GSK3B: variants seen among roughly 807,000 people sequenced by gnomAD.
GSK3B encodes the protein glycogen synthase kinase-3 beta.
Under a neutral mutation model 56.4 loss-of-function variants are expected in GSK3B, and 15 were observed. The observed-to-expected ratio is 0.27, with a 90% confidence interval of 0.18 to 0.41. The LOEUF is 0.41. GSK3B is among the 10% of genes least tolerant of loss of function. The probability of loss-of-function intolerance (pLI) is 1.00; values close to 1 mark genes in which losing one functional copy is unlikely to be tolerated. For synonymous variants in GSK3B, 181 were observed against 188.9 expected, an observed-to-expected ratio of 0.96 and a Z score of 0.34; for missense variants, 300 against 513.4, an observed-to-expected ratio of 0.58 and a Z score of 4.02.
At position 119,825,612 on chromosome 3, in the gene GSK3B, G is replaced by A. The variant is rs772531912; in HGVS notation, c.*1176C>T. ...GTAGTTTTTAATATTTCTACCATCTGACATGCATCAATAAATAAATGTAAA... is the reference window on the plus strand; with the variant it reads ...GTAGTTTTTAATATTTCTACCATCTAACATGCATCAATAAATAAATGTAAA... On this transcript the variant is annotated 3_prime_UTR_variant, in exon 11 of 11. Coordinates refer to ENST00000264235, the MANE Select transcript of GSK3B (RefSeq NM_001146156.2). The A allele has an allele frequency of 8.7e-6, 2 of 228,648 alleles. No individual in the cohort carries two copies. Among genetic ancestry groups the A allele is most frequent in the Non-Finnish European group, 1.7e-5 (2 of 115,450 alleles). 14.2% of individuals were successfully genotyped at this position (228,648 alleles called of 1,614,324 possible). A position where few individuals can be genotyped will look rare whatever the true frequency, so the allele number is the denominator to read the frequency against.
chr3:120,039,758 A>T (rs934434500), intron 1 of GSK3B, among the ~76,000 whole-genome samples: 1 of 151,906 alleles, frequency 6.6e-6, no homozygotes, highest in Non-Finnish European at 1.5e-5. Flanking sequence ...AGAGATAAAA[A>T]CCCCTTCTCT....
At position 120,040,267 on chromosome 3, in the gene GSK3B, T is replaced by TC. The variant is rs776964695; in HGVS notation, c.89-38029dup. Among the ~76,000 whole-genome samples the TC allele has an allele frequency of 2.3e-4, 35 of 152,328 alleles. 1 individual carries two copies. In the East Asian group the frequency reaches 6.2e-3, roughly 27 times the overall value. On this transcript the variant is annotated intron_variant, in intron 1 of 10. Transcript: ENST00000264235. The stretch of plus-strand genomic sequence containing the variant: ...TGCTGTGCAGAGTGAGTGGGTCCTA[T>TC]CGGCAGTTCCGTGGTCACCTCATAC...
rs1412728863 is a variant in GSK3B at position 119,971,022 on chromosome 3, GATT to G, written c.283-23674_283-23672del. ...AATAACTGCATAGATTCCACTGTAT[GATT>G]ATATTCTTTTCAGAATAATATCATT... On this transcript the variant is annotated intron_variant, in intron 2 of 10. Coordinates refer to ENST00000264235, the MANE Select transcript of GSK3B (RefSeq NM_001146156.2). Among the ~76,000 whole-genome samples, 7 of 152,220 alleles carry G rather than the reference GATT, an allele frequency of 4.6e-5. No individual in the cohort carries two copies. In the South Asian group the frequency reaches 1.2e-3, roughly 27 times the overall value.
At position 119,824,559 on chromosome 3, in the gene GSK3B, G is replaced by A; in HGVS notation, c.*2229C>T. ...AGGTCCATTTCTCTATCACAGACCT[G>A]CCTTTTCAGATTCTTTATAAATTCT... On this transcript the variant is annotated 3_prime_UTR_variant, in exon 11 of 11. Transcript: ENST00000264235. 1 of 211,468 alleles carries A rather than the reference G, an allele frequency of 4.7e-6. No homozygotes were observed. Among genetic ancestry groups the A allele is most frequent in the Non-Finnish European group, 9.6e-6 (1 of 104,190 alleles). The allele number at this position is 211,468 out of a possible 1,614,324, so 13.1% of individuals were successfully genotyped here.
intron 1 of GSK3B, among the ~76,000 whole-genome samples, chr3:120,064,498 A>G (rs967750186): frequency 6.6e-6 from 1 of 152,156 alleles, no homozygotes; most frequent in African/African-American, 2.4e-5. Flanking sequence ...AAACATTGCT[A>G]AAGAAAATTA....
chr3:119,875,466 A>T (rs1341807459), intron 8 of GSK3B, among the ~76,000 whole-genome samples: 1 of 151,632 alleles, frequency 6.6e-6, no homozygotes, highest in Non-Finnish European at 1.5e-5. Flanking sequence ...TCCTTAAAAT[A>T]CGTATTATAA....
chr3:119,956,038 G>T (rs1453684446), intron 2 of GSK3B, among the ~76,000 whole-genome samples: 1 of 151,500 alleles, frequency 6.6e-6, no homozygotes, highest in Non-Finnish European at 1.5e-5. Context: ...ATAAAACTAG[G>T]ATCTACACTA....
chr3:119,860,186 T>C (rs2056083085), intron 9 of GSK3B, among the ~76,000 whole-genome samples: 1 of 152,198 alleles, frequency 6.6e-6, no homozygotes, highest in South Asian at 2.1e-4. Flanking sequence ...TATATTCCAG[T>C]CTTGGAATAG....
rs544793187 is a variant in GSK3B at position 119,833,119 on chromosome 3, C to T, written c.1196-6264G>A. The T allele has an allele frequency of 2.5e-4, 51 of 206,360 alleles. No individual in the cohort carries two copies. In the East Asian group the frequency reaches 7.1e-3, roughly 29 times the overall value. The allele number at this position is 206,360 out of a possible 1,614,324, so 12.8% of individuals were successfully genotyped here. On this transcript the variant is annotated intron_variant, in intron 10 of 10. Transcript: ENST00000264235. ...TGCCTTGATTCCTTGCTGTCTGCAT[C>T]CCCCCACCCCCCGCCCACAAATGGT...
intron 3 of GSK3B, among the ~76,000 whole-genome samples, chr3:119,934,290 A>T (rs1301896503): frequency 1.3e-5 from 2 of 152,234 alleles, no homozygotes; most frequent in South Asian, 2.1e-4. Context: ...TGTCGACAGT[A>T]TATGTCCTTG....
At chr3:119,938,824 G>A (rs978089259) in intron 3 of GSK3B, among the ~76,000 whole-genome samples, 2 of 151,940 alleles carry the variant, frequency 1.3e-5, no homozygotes, top group Admixed American at 1.3e-4. Flanking sequence ...TCTGGGCTGA[G>A]CCTATTTTAG....
intron 1 of GSK3B, among the ~76,000 whole-genome samples, chr3:120,033,226 A>T (rs1318245311): frequency 6.6e-6 from 1 of 152,118 alleles, no homozygotes; most frequent in East Asian, 1.9e-4. Flanking sequence ...GAAATCCCGT[A>T]TTTGATTTCT....
At chr3:119,862,403 T>C (rs551234176) in intron 9 of GSK3B, among the ~76,000 whole-genome samples, 31 of 128,760 alleles carry the variant, frequency 2.4e-4, no homozygotes, top group African/African-American at 7.4e-4. Context: ...AGGGATAGCA[T>C]TGGGAGATAT....
At chr3:119,886,211 C>A (rs1159068064) in intron 7 of GSK3B, among the ~76,000 whole-genome samples, 1 of 151,696 alleles carries the variant, frequency 6.6e-6, no homozygotes, top group African/African-American at 2.4e-5. Context: ...AACAAATAAC[C>A]CCATTAAAAA....
chr3:120,048,091 C>A (rs1223496145), intron 1 of GSK3B, among the ~76,000 whole-genome samples: 1 of 152,168 alleles, frequency 6.6e-6, no homozygotes, highest in Admixed American at 6.5e-5. Flanking sequence ...AATACAATTA[C>A]AATGTCTAGA....
At chr3:119,920,268 C>A (rs2056826482) in intron 4 of GSK3B, among the ~76,000 whole-genome samples, 2 of 152,076 alleles carry the variant, frequency 1.3e-5, no homozygotes, top group Admixed American at 6.6e-5. Flanking sequence ...GAGATGAAGT[C>A]TTGCTCTGTC....
chr3:119,899,008 T>A (rs115454183), intron 7 of GSK3B, among the ~76,000 whole-genome samples: 1 of 152,154 alleles, frequency 6.6e-6, no homozygotes, highest in Non-Finnish European at 1.5e-5. Flanking sequence ...CCTTGTGACA[T>A]AGCCTTAGTC....
At chr3:120,019,768 A>G (rs2057857240) in intron 1 of GSK3B, among the ~76,000 whole-genome samples, 1 of 152,232 alleles carries the variant, frequency 6.6e-6, no homozygotes. Flanking sequence ...CCTCCCTCTG[A>G]TTAAATCCCT....
chr3:119,831,570 T>TGGCGTGAACCTGGGAGGCAGA (rs1196072574), intron 10 of GSK3B, among the ~76,000 whole-genome samples: 1 of 150,310 alleles, frequency 6.7e-6, no homozygotes, highest in African/African-American at 2.5e-5. Context: ...GGCAGGAGAA[T>TGGCGTGAACCTGGGAGGCAGA]GGCGTGAACC....
Sources: gnomAD v4.1 joint callset for allele counts (sites outside exome capture counted in the v4.1 genomes callset) on GRCh38, gnomAD v4.1.1 for gene constraint, MANE v1.5 for transcripts, NCBI Gene and HGNC (gene_info 2026-07-23, HGNC 2026-07-21) for gene names.